Variants in ADGRG6 observed in about 807,000 individuals in gnomAD.
ADGRG6 encodes adhesion G protein-coupled receptor G6, also known as G-protein coupled receptor 126.
In ADGRG6, 84 loss-of-function variants were observed where a neutral mutation model predicts 142.4. The ratio of observed to expected loss-of-function variants is 0.59; its 90% CI spans 0.49 to 0.71. ADGRG6 has a LOEUF of 0.71. Ranked by LOEUF, ADGRG6 falls within the 30% of genes least tolerant of loss-of-function variation. The probability of loss-of-function intolerance (pLI) is 0.00; values close to 1 mark genes in which losing one functional copy is unlikely to be tolerated. For synonymous variants in ADGRG6, 521 were observed against 520.5 expected (o/e 1.00, Z -0.01); for missense variants, 1,367 against 1,466.6 (o/e 0.93, Z 1.11).
intron 22 of ADGRG6, among the ~76,000 whole-genome samples, chr6:142,431,571 C>A (rs1367379610): frequency 4.6e-5 from 7 of 152,090 alleles, no homozygotes; most frequent in African/African-American, 1.7e-4. Context: ...AATGCTCTTT[C>A]CAGAAAGCTA....
chr6:142,415,162 T>C, intron 19 of ADGRG6, 66 bp downstream of exon 19: 1 of 1,389,540 alleles, frequency 7.2e-7, no homozygotes, highest in Non-Finnish European at 9.9e-7. Context: ...GAAAATTGCC[T>C]CGGCTTTGAA....
chr6:142,374,970 A>T (rs1307271884), intron 4 of ADGRG6, among the ~76,000 whole-genome samples: 1 of 152,180 alleles, frequency 6.6e-6, no homozygotes, highest in African/African-American at 2.4e-5. Flanking sequence ...ATTGTTATTA[A>T]CAATAATCAT....
chr6:142,303,247 G>A (rs1777315852), intron 1 of ADGRG6, among the ~76,000 whole-genome samples: 1 of 151,880 alleles, frequency 6.6e-6, no homozygotes, highest in Admixed American at 6.6e-5. Context: ...TCTAGAACTT[G>A]GTACTTAACA....
Position 142,349,936 on chromosome 6 carries a change from T to C in ADGRG6, c.104-17633T>C, listed in dbSNP as rs761453211. ...CAAAATCCTTTGATTGTGGAGAAAA[T>C]TTAAATATTGTATTCATAAATACTG... On this transcript the variant is annotated intron_variant, in intron 2 of 24. Coordinates refer to ENST00000367609, the MANE Select transcript of ADGRG6 (RefSeq NM_198569.3). Among the ~76,000 whole-genome samples the C allele has an allele frequency of 5.3e-5, 8 of 152,324 alleles. No individual in the cohort carries two copies. The South Asian group carries it at 8.3e-4, about 16-fold the overall frequency.
At chr6:142,429,140 AG>A (rs1385312752) in intron 22 of ADGRG6, among the ~76,000 whole-genome samples, 8 of 152,226 alleles carry the variant, frequency 5.3e-5, no homozygotes, top group Non-Finnish European at 7.3e-5. Context: ...AGTAGAGGAT[AG>A]TTTAATCTCT....
intron 22 of ADGRG6, among the ~76,000 whole-genome samples, chr6:142,422,997 G>C (rs1256162645): frequency 1.6e-4 from 25 of 152,154 alleles, no homozygotes; most frequent in East Asian, 1.5e-3. Context: ...CCTTCGCCCA[G>C]TTTTTGATGG....
intron 2 of ADGRG6, among the ~76,000 whole-genome samples, chr6:142,366,968 C>T (rs1780969072): frequency 6.6e-6 from 1 of 151,940 alleles, no homozygotes; most frequent in African/African-American, 2.4e-5. Context: ...TATAAATAAT[C>T]CATGTTTGCA....
intron 7 of ADGRG6, among the ~76,000 whole-genome samples, chr6:142,391,086 A>G (rs1774872790): frequency 6.6e-6 from 1 of 151,928 alleles, no homozygotes. Context: ...CCAGTATCCT[A>G]TTGGTAAACA....
intron 13 of ADGRG6, among the ~76,000 whole-genome samples, chr6:142,403,106 A>G (rs934750958): frequency 6.6e-6 from 1 of 152,070 alleles, no homozygotes; most frequent in African/African-American, 2.4e-5. Flanking sequence ...TAGTTTAAAA[A>G]TTATAAAATT....
At chr6:142,429,336 T>C (rs1346461498) in intron 22 of ADGRG6, among the ~76,000 whole-genome samples, 4 of 152,188 alleles carry the variant, frequency 2.6e-5, no homozygotes, top group Non-Finnish European at 5.9e-5. Context: ...ACATGTATAA[T>C]ACACATATTG....
At chr6:142,327,820 A>G (rs191986111) in intron 2 of ADGRG6, among the ~76,000 whole-genome samples, 6 of 152,142 alleles carry the variant, frequency 3.9e-5, no homozygotes, top group African/African-American at 1.4e-4. Context: ...TTAACATTTA[A>G]TTTTTTTGAA....
chr6:142,350,361 T>A (rs537088767), intron 2 of ADGRG6, among the ~76,000 whole-genome samples: 1 of 152,344 alleles, frequency 6.6e-6, no homozygotes, highest in East Asian at 1.9e-4. Context: ...GGCCCTTGGC[T>A]TTTACATTTC....
intron 15 of ADGRG6, among the ~76,000 whole-genome samples, chr6:142,406,477 T>C (rs906684592): frequency 6.6e-6 from 1 of 152,188 alleles, no homozygotes; most frequent in African/African-American, 2.4e-5. Context: ...AACTTATCTA[T>C]TAAATTCAAG....
At chr6:142,417,840 A>G (rs1776442904) in intron 21 of ADGRG6, among the ~76,000 whole-genome samples, 1 of 152,264 alleles carries the variant, frequency 6.6e-6, no homozygotes, top group Middle Eastern at 3.4e-3. Flanking sequence ...TAAGGGTTTT[A>G]TATTGTTCAG....
At chr6:142,367,520 G>T (rs745914625) in intron 2 of ADGRG6, 49 bp from the exon 3 acceptor site, 2 of 1,358,948 alleles carry the variant, frequency 1.5e-6, no homozygotes, top group Non-Finnish European at 2.1e-6. Context: ...TTTATTGCAT[G>T]CATCTGAACC....
intron 2 of ADGRG6, among the ~76,000 whole-genome samples, chr6:142,359,045 A>T (rs1411468932): frequency 2.3e-5 from 3 of 132,642 alleles, no homozygotes; most frequent in South Asian, 2.3e-4. Context: ...CTCTACAATT[A>T]AAAAAAAAAA....
intron 2 of ADGRG6, among the ~76,000 whole-genome samples, chr6:142,354,395 A>G (rs1223485365): frequency 6.6e-6 from 1 of 152,114 alleles, no homozygotes; most frequent in Non-Finnish European, 1.5e-5. Context: ...AAACAAACAA[A>G]CAAACAAACA....
intron 22 of ADGRG6, among the ~76,000 whole-genome samples, chr6:142,430,263 A>G (rs1582682841): frequency 6.6e-6 from 1 of 152,130 alleles, no homozygotes; most frequent in African/African-American, 2.4e-5. Flanking sequence ...CAGTTTATTG[A>G]TGATAATTCT....
intron 2 of ADGRG6, among the ~76,000 whole-genome samples, chr6:142,360,892 G>T (rs760648350): frequency 2.0e-5 from 3 of 151,940 alleles, no homozygotes; most frequent in Non-Finnish European, 2.9e-5. Flanking sequence ...TCCTGACCTC[G>T]TGATTCACCT....
Sources: gnomAD v4.1 joint callset for allele counts (sites outside exome capture counted in the v4.1 genomes callset) on GRCh38, gnomAD v4.1.1 for gene constraint, MANE v1.5 for transcripts, NCBI Gene and HGNC (gene_info 2026-07-23, HGNC 2026-07-21) for gene names.